PRKG2: variants seen among roughly 807,000 people sequenced by gnomAD.
The protein encoded by PRKG2 is cGMP-dependent protein kinase 2.
In PRKG2, 33 loss-of-function variants were observed where a neutral mutation model predicts 97.2. That is an observed-to-expected ratio of 0.34 (90% CI 0.26 to 0.45). PRKG2 has a LOEUF of 0.45. Among genes scored for constraint, PRKG2 ranks in the 20% least tolerant of loss-of-function variants. The pLI, the probability that PRKG2 is intolerant of heterozygous loss-of-function variation, is 1.00. For synonymous variants in PRKG2, 330 were observed against 321.8 expected, an observed-to-expected ratio of 1.03 and a Z score of -0.27; for missense variants, 638 against 900.0, an observed-to-expected ratio of 0.71 and a Z score of 3.73.
intron 2 of PRKG2, among the ~76,000 whole-genome samples, chr4:81,200,489 T>G (rs1560624742): frequency 6.6e-6 from 1 of 152,122 alleles, no homozygotes; most frequent in Non-Finnish European, 1.5e-5. Flanking sequence ...TTACTATCAA[T>G]CAATGGGGCA....
At chr4:81,206,290 A>G (rs563785895) in intron 1 of PRKG2, among the ~76,000 whole-genome samples, 15 of 152,260 alleles carry the variant, frequency 9.9e-5, no homozygotes, top group African/African-American at 3.4e-4. Context: ...CCCAAATCTC[A>G]TCTTGAACTG....
At chr4:81,189,092 A>AAAAAAAAAAAAATT (rs1752225194) in intron 2 of PRKG2, among the ~76,000 whole-genome samples, 1 of 116,876 alleles carries the variant, frequency 8.6e-6, no homozygotes, top group Admixed American at 7.9e-5. Context: ...AAAAAAAAAA[A>AAAAAAAAAAAAATT]GAAGCTAGCA....
At chr4:81,175,323 T>A (rs1453750629) in intron 2 of PRKG2, 1 of 168,178 alleles carries the variant, frequency 5.9e-6, no homozygotes, top group East Asian at 1.7e-4. Context: ...TTTAAGGGAC[T>A]ACAATACAGT....
rs1741318037 is a variant in PRKG2 at position 81,089,254 on chromosome 4, T to C, written c.*454A>G. 1 of 152,504 alleles carries C rather than the reference T, an allele frequency of 6.6e-6. No individual in the cohort carries two copies. The highest frequency in any genetic ancestry group is 1.5e-5 in the Non-Finnish European group (1 of 68,258). 9.4% of individuals were successfully genotyped at this position (152,504 alleles called of 1,614,324 possible). A position where few individuals can be genotyped will look rare whatever the true frequency, so the allele number is the denominator to read the frequency against. ...AAACCACCATTTTAAGATACCACCA[T>C]GCTTATATGAAGTTGCTGAGAGCTG... On this transcript the variant is annotated 3_prime_UTR_variant, in exon 19 of 19. Transcript: ENST00000264399.
At chr4:81,138,536 C>T (rs1746943279) in intron 12 of PRKG2, among the ~76,000 whole-genome samples, 2 of 151,688 alleles carry the variant, frequency 1.3e-5, no homozygotes, top group African/African-American at 2.4e-5. Flanking sequence ...ATACAGATTA[C>T]ATATTATTAT....
chr4:81,182,598 A>G (rs1414491015), intron 2 of PRKG2, among the ~76,000 whole-genome samples: 3 of 152,080 alleles, frequency 2.0e-5, no homozygotes, highest in Admixed American at 6.5e-5. Context: ...ATAGGAAAAG[A>G]AAAAAGTAAA....
chr4:81,163,351 T>C (rs955721955), intron 6 of PRKG2, among the ~76,000 whole-genome samples: 2 of 152,114 alleles, frequency 1.3e-5, no homozygotes, highest in Non-Finnish European at 2.9e-5. Context: ...TGTGGTTACA[T>C]TGCAAAGGTG....
chr4:81,156,464 C>G (rs1215972896), intron 6 of PRKG2, among the ~76,000 whole-genome samples: 1 of 152,076 alleles, frequency 6.6e-6, no homozygotes, highest in East Asian at 1.9e-4. Flanking sequence ...GACTTAGACT[C>G]CCACACATTA....
intron 18 of PRKG2, among the ~76,000 whole-genome samples, chr4:81,092,054 T>C (rs1314862902): frequency 6.6e-6 from 1 of 152,154 alleles, no homozygotes; most frequent in African/African-American, 2.4e-5. Flanking sequence ...CTTTTTAAAA[T>C]GGCTATTAGA....
chr4:81,176,197 C>G (rs1750910000), intron 2 of PRKG2, among the ~76,000 whole-genome samples: 1 of 152,156 alleles, frequency 6.6e-6, no homozygotes, highest in Admixed American at 6.5e-5. Context: ...GAAGTTCCAT[C>G]TAATCTATTA....
At chr4:81,093,991 A>T (rs1175509441) in intron 17 of PRKG2, among the ~76,000 whole-genome samples, 1 of 152,214 alleles carries the variant, frequency 6.6e-6, no homozygotes, top group Non-Finnish European at 1.5e-5. Flanking sequence ...GCATCAAAAA[A>T]TGGCCCTGAT....
intron 12 of PRKG2, among the ~76,000 whole-genome samples, chr4:81,138,522 C>T (rs186296981): frequency 4.5e-4 from 69 of 152,064 alleles, no homozygotes; most frequent in Admixed American, 4.3e-3. Flanking sequence ...ATTCATTTTA[C>T]TCTATACAGA....
intron 14 of PRKG2, among the ~76,000 whole-genome samples, chr4:81,126,868 A>C (rs1745639632): frequency 6.6e-6 from 1 of 151,536 alleles, no homozygotes; most frequent in Non-Finnish European, 1.5e-5. Context: ...GAAGCTCCTT[A>C]GTTAAATTAG....
chr4:81,215,879 T>TGA (rs761188428), upstream of PRKG2, among the ~76,000 whole-genome samples: 2 of 151,968 alleles, frequency 1.3e-5, no homozygotes, highest in African/African-American at 2.4e-5. Context: ...CGTCACCTTT[T>TGA]GAGTACATTT....
Position 81,148,902 on chromosome 4 carries a change from C to T in PRKG2, c.1136G>A (p.Cys379Tyr). 1.9e-6 allele frequency: 3 copies of T among 1,613,740 alleles called. No homozygotes were observed. The highest frequency in any genetic ancestry group is 2.5e-6 in the Non-Finnish European group (3 of 1,179,692). ...TACTCACTCTCGATCTATAACCAGG[C>T]ATGCAACATCATTTTCTTCAGCAAT... ...NIIAEENDVA[C>Y]LVIDRETFNQ... Residue 379 changes from cysteine to tyrosine, a missense_variant, in exon 9 of 19, where the codon TGC becomes TAC. Cys to Tyr is a radical substitution (Grantham distance 194). Around this residue, in one of 3 missense-constraint regions of PRKG2, gnomAD observed 304 missense variants for 460.5 expected, o/e 0.66. Coordinates refer to ENST00000264399, the MANE Select transcript of PRKG2 (RefSeq NM_006259.3).
chr4:81,216,891 TTGTGTGTGTGTGTGTGTGTG>T (rs68179456), upstream of PRKG2, among the ~76,000 whole-genome samples: 6 of 131,494 alleles, frequency 4.6e-5, no homozygotes, highest in African/African-American at 1.7e-4. Context: ...TAGTATTCCA[TTGTGTGTGTGTGTGTGTGTG>T]TGTGTGTGTG....
chr4:81,110,144 T>C (rs1743751369), intron 15 of PRKG2, among the ~76,000 whole-genome samples: 1 of 152,204 alleles, frequency 6.6e-6, no homozygotes, highest in African/African-American at 2.4e-5. Context: ...ATTCCTTCTC[T>C]TATTATTATG....
chr4:81,125,273 TC>T (rs1440218008), intron 14 of PRKG2, among the ~76,000 whole-genome samples: 7 of 152,188 alleles, frequency 4.6e-5, no homozygotes, highest in Admixed American at 1.3e-4. Flanking sequence ...ATAGAGGCAT[TC>T]CCGTTATTTC....
At chr4:81,143,468 G>A (rs1747501090) in intron 10 of PRKG2, among the ~76,000 whole-genome samples, 2 of 152,090 alleles carry the variant, frequency 1.3e-5, no homozygotes, top group Admixed American at 6.6e-5. Context: ...ACTGCTTTGT[G>A]AAATATGAAA....
Sources: allele counts gnomAD v4.1 joint callset (sites outside exome capture counted in the v4.1 genomes callset), GRCh38; gene constraint gnomAD v4.1.1; regional missense constraint gnomAD v4.1.1; transcripts MANE v1.5; gene names NCBI Gene and HGNC (gene_info 2026-07-23, HGNC 2026-07-21).